The following DCAF8L2 variants were observed in gnomAD, a reference collection of about 807,000 sequenced individuals.
The protein encoded by DCAF8L2 is DDB1- and CUL4-associated factor 8-like protein 2.
For synonymous variants in DCAF8L2, 200 were observed against 190.9 expected (o/e 1.05, Z -0.39); for missense variants, 430 against 490.7 (o/e 0.88, Z 1.17).
Position 27,717,868 on chromosome X carries a change from C to A in DCAF8L2, c.-59+1697C>A, listed in dbSNP as rs137861560. Among the ~76,000 whole-genome samples, 931 of 112,100 alleles carry A rather than the reference C, an allele frequency of 8.3e-3. 12 individuals are homozygous for A. Among genetic ancestry groups the A allele is most frequent in the African/African-American group, 0.029 (889 of 30,913 alleles). ...TTTTTAAAGTACATACAAGCATAGT[C>A]TACCAACCATGTACAGTTCTGATTG... On this transcript the variant is annotated intron_variant, in intron 4 of 4. Coordinates refer to ENST00000451261, the MANE Select transcript of DCAF8L2 (RefSeq NM_001353450.2).
At chrX:27,682,097 G>A (rs1359757180) in intron 3 of DCAF8L2, among the ~76,000 whole-genome samples, 1 of 110,569 alleles carries the variant, frequency 9.0e-6, no homozygotes, top group Non-Finnish European at 1.9e-5. Context: ...CCAGGTAGCC[G>A]GGACTACTGG....
intron 1 of DCAF8L2, among the ~76,000 whole-genome samples, chrX:27,609,594 G>A (rs1407738767): frequency 9.0e-6 from 1 of 111,571 alleles, no homozygotes; most frequent in Admixed American, 9.6e-5. Context: ...ATTCTTTACA[G>A]GTCATCATCA....
the DCAF8L2 span, among the ~76,000 whole-genome samples, chrX:27,475,936 C>T: frequency 9.0e-6 from 1 of 111,423 alleles, no homozygotes; most frequent in Non-Finnish European, 1.9e-5. Context: ...AATGCCTACC[C>T]TCTGTCCCTC....
intron 1 of DCAF8L2, among the ~76,000 whole-genome samples, chrX:27,607,986 T>C (rs896488345): frequency 1.2e-4 from 13 of 111,779 alleles, no homozygotes; most frequent in Non-Finnish European, 1.9e-4. Flanking sequence ...AGTTATGACA[T>C]AGTTAATATG....
intron 1 of DCAF8L2, 101 bp from the exon 2 acceptor site, chrX:27,631,778 A>G (rs944472699): frequency 8.9e-6 from 1 of 112,277 alleles, no homozygotes; most frequent in Non-Finnish European, 1.9e-5. Context: ...CCAAATATTC[A>G]TGTACCCTTT....
At chrX:27,517,542 A>G in the DCAF8L2 span, among the ~76,000 whole-genome samples, 2,276 of 110,975 alleles carry the variant, frequency 0.021, 74 homozygotes, top group African/African-American at 0.071. Flanking sequence ...AAGCAATGGA[A>G]CACCATTCTC....
At position 27,747,232 on chromosome X, in the gene DCAF8L2, A is replaced by G; in HGVS notation, c.337A>G (p.Arg113Gly). 8.9e-7 allele frequency: 1 copy of G among 1,119,803 alleles called. No individual in the cohort carries two copies. The highest frequency in any genetic ancestry group is 3.5e-5 in the East Asian group (1 of 28,932). The allele number at this position is 1,119,803 out of a possible 1,213,427, so 92.3% of individuals were successfully genotyped here. A position where few individuals can be genotyped will look rare whatever the true frequency, so the allele number is the denominator to read the frequency against. Residue 113 changes from arginine to glycine, a missense_variant, in exon 5 of 5, where the codon AGG (arginine) becomes GGG (glycine). Transcript: ENST00000451261. ...YPLVGEEETEREEEDEEIQEE... is the reference protein window; with the variant it reads ...YPLVGEEETEGEEEDEEIQEE... ...TTTAGTGGGAGAGGAGGAGACAGAA[A>G]GGGAGGAGGAAGACGAAGAGATACA...
chrX:27,587,679 T>C (rs1444059789), upstream of DCAF8L2, among the ~76,000 whole-genome samples: 1 of 111,395 alleles, frequency 9.0e-6, no homozygotes, highest in African/African-American at 3.3e-5. Context: ...AACAAGAGGC[T>C]AGTTAGTGGG....
chrX:27,568,253 C>T, the DCAF8L2 span, among the ~76,000 whole-genome samples: 4 of 111,122 alleles, frequency 3.6e-5, no homozygotes, highest in Non-Finnish European at 7.5e-5. Flanking sequence ...GTAGTAAACT[C>T]CCTAAAGTAA....
chrX:27,523,696 C>G, the DCAF8L2 span, among the ~76,000 whole-genome samples: 112 of 108,561 alleles, frequency 1.0e-3, 1 homozygote, highest in African/African-American at 3.7e-3. Flanking sequence ...TATACATATG[C>G]TGTGTTGGTG....
the DCAF8L2 span, among the ~76,000 whole-genome samples, chrX:27,470,148 GAA>G: frequency 1.8e-5 from 2 of 109,212 alleles, 1 homozygote; most frequent in Admixed American, 2.0e-4. Flanking sequence ...AAATCATTCA[GAA>G]AAAAAAATCA....
At chrX:27,557,235 T>C in the DCAF8L2 span, among the ~76,000 whole-genome samples, 2 of 112,385 alleles carry the variant, frequency 1.8e-5, no homozygotes, top group African/African-American at 3.2e-5. Context: ...CTACAGATAA[T>C]TTTCATTAGA....
chrX:27,527,459 C>G, the DCAF8L2 span, among the ~76,000 whole-genome samples: 47 of 111,092 alleles, frequency 4.2e-4, no homozygotes, highest in African/African-American at 1.5e-3. Flanking sequence ...ATTCCCTGAC[C>G]CCTTTTGCTT....
At chrX:27,592,659 G>C (rs924913863) in intron 1 of DCAF8L2, among the ~76,000 whole-genome samples, 1 of 110,066 alleles carries the variant, frequency 9.1e-6, no homozygotes. Context: ...GTATGGTCTC[G>C]ATCTCCTGAC....
the DCAF8L2 span, among the ~76,000 whole-genome samples, chrX:27,561,539 TTA>T: frequency 9.0e-6 from 1 of 111,359 alleles, no homozygotes; most frequent in Non-Finnish European, 1.9e-5. Context: ...TGATCTAACT[TTA>T]TAGTATTTTT....
chrX:27,722,986 CCATTAAAAAT>C (rs1194942617), intron 4 of DCAF8L2, among the ~76,000 whole-genome samples: 12 of 110,350 alleles, frequency 1.1e-4, no homozygotes, highest in East Asian at 5.7e-4. Flanking sequence ...CAAACAAAAT[CCATTAAAAAT>C]CATTAAAAGG....
intron 3 of DCAF8L2, among the ~76,000 whole-genome samples, chrX:27,703,343 G>A (rs1302670762): frequency 2.7e-5 from 3 of 110,901 alleles, no homozygotes; most frequent in Non-Finnish European, 5.7e-5. Context: ...AATTTATATG[G>A]AAATATAAGG....
intron 1 of DCAF8L2, among the ~76,000 whole-genome samples, chrX:27,615,760 T>C (rs1263727714): frequency 9.0e-6 from 1 of 111,376 alleles, no homozygotes; most frequent in Non-Finnish European, 1.9e-5. Context: ...GAGGAGAATA[T>C]TAAAATACTA....
chrX:27,557,667 G>A, the DCAF8L2 span, among the ~76,000 whole-genome samples: 2 of 110,538 alleles, frequency 1.8e-5, no homozygotes, highest in African/African-American at 3.3e-5. Flanking sequence ...TCACATTCCC[G>A]CTTTGCTCAG....
Sources: gnomAD v4.1 joint callset for allele counts (sites outside exome capture counted in the v4.1 genomes callset) on GRCh38, gnomAD v4.1.1 for gene constraint, MANE v1.5 for transcripts, NCBI Gene and HGNC (gene_info 2026-07-23, HGNC 2026-07-21) for gene names.